The following CHRM3 variants were observed in gnomAD, a reference collection of about 807,000 sequenced individuals.
CHRM3 encodes the protein muscarinic acetylcholine receptor M3.
A neutral mutation model predicts 41.8 loss-of-function variants in CHRM3; 11 were observed. The ratio of observed to expected loss-of-function variants is 0.26; its 90% confidence interval spans 0.17 to 0.44. CHRM3 has a LOEUF of 0.44. Ranked by LOEUF, CHRM3 falls within the 20% of genes least tolerant of loss-of-function variation. The pLI, the probability that CHRM3 is intolerant of heterozygous loss-of-function variation, is 1.00. For synonymous variants in CHRM3, 297 were observed against 301.4 expected, an observed-to-expected ratio of 0.99 and a Z score of 0.15; for missense variants, 571 against 745.4, an observed-to-expected ratio of 0.77 and a Z score of 2.72.
At chr1:239,520,428 G>C (rs577039040) in intron 2 of CHRM3, among the ~76,000 whole-genome samples, 1 of 152,156 alleles carries the variant, frequency 6.6e-6, no homozygotes, top group South Asian at 2.1e-4. Context: ...GTTCTTATGA[G>C]ACCTGGCTGT....
At chr1:239,813,844 G>C (rs997690551) in intron 5 of CHRM3, among the ~76,000 whole-genome samples, 1 of 139,226 alleles carries the variant, frequency 7.2e-6, no homozygotes, top group Non-Finnish European at 1.5e-5. Flanking sequence ...GTGAACCCGG[G>C]AGGCGGAGCT....
At chr1:239,475,620 A>G (rs1666417596) in intron 1 of CHRM3, among the ~76,000 whole-genome samples, 1 of 152,174 alleles carries the variant, frequency 6.6e-6, no homozygotes, top group East Asian at 1.9e-4. Context: ...ATCTGAATAA[A>G]CATTGGGCTT....
At chr1:239,506,701 G>A (rs1668595006) in intron 2 of CHRM3, among the ~76,000 whole-genome samples, 1 of 152,142 alleles carries the variant, frequency 6.6e-6, no homozygotes, top group Non-Finnish European at 1.5e-5. Flanking sequence ...CCAGAACCCA[G>A]AGTGGTAGAA....
chr1:239,539,762 G>A (rs937239043), intron 2 of CHRM3, among the ~76,000 whole-genome samples: 3 of 149,110 alleles, frequency 2.0e-5, no homozygotes, highest in Non-Finnish European at 3.0e-5. Flanking sequence ...TCCTGAGTAG[G>A]TGGGACCATG....
chr1:239,648,435 G>C (rs1671933603), intron 4 of CHRM3, among the ~76,000 whole-genome samples: 1 of 152,118 alleles, frequency 6.6e-6, no homozygotes. Context: ...TGATCTGTAG[G>C]TGGTTTTGAG....
At chr1:239,580,702 T>TATATATATATATATATATATATATAC (rs1366394441) in intron 3 of CHRM3, among the ~76,000 whole-genome samples, 3 of 125,752 alleles carry the variant, frequency 2.4e-5, no homozygotes, top group Non-Finnish European at 5.0e-5. Flanking sequence ...TATATATATA[T>TATATATATATATATATATATATATAC]ATACACACAC....
intron 5 of CHRM3, among the ~76,000 whole-genome samples, chr1:239,772,657 T>G (rs1667784927): frequency 6.6e-6 from 1 of 152,176 alleles, no homozygotes; most frequent in African/African-American, 2.4e-5. Flanking sequence ...TGGTCTCATT[T>G]CCTATCTTCC....
chr1:239,749,710 G>A (rs2148565842), intron 5 of CHRM3, among the ~76,000 whole-genome samples: 1 of 152,240 alleles, frequency 6.6e-6, no homozygotes, highest in South Asian at 2.1e-4. Context: ...TATTTTCTGA[G>A]CATTTGAGAT....
intron 3 of CHRM3, among the ~76,000 whole-genome samples, chr1:239,613,094 G>T (rs1667247073): frequency 6.6e-6 from 1 of 152,192 alleles, no homozygotes; most frequent in Non-Finnish European, 1.5e-5. Flanking sequence ...GGCAAATGGG[G>T]CAGATGTGAT....
chr1:239,813,912 G>A (rs1671345929), intron 5 of CHRM3, among the ~76,000 whole-genome samples: 1 of 19,686 alleles, frequency 5.1e-5, no homozygotes, highest in Non-Finnish European at 9.7e-5. Context: ...GCGAGACTCC[G>A]TCTCAAAAAA....
chr1:239,474,259 C>T (rs944656562), intron 1 of CHRM3, among the ~76,000 whole-genome samples: 1 of 152,062 alleles, frequency 6.6e-6, no homozygotes, highest in Non-Finnish European at 1.5e-5. Context: ...TTCTCATAAA[C>T]TTCATTGTAA....
At chr1:239,534,250 C>G (rs538120352) in intron 2 of CHRM3, among the ~76,000 whole-genome samples, 85 of 152,250 alleles carry the variant, frequency 5.6e-4, no homozygotes, top group Non-Finnish European at 8.1e-4. Flanking sequence ...TGCTTGAACC[C>G]GGGAGGCAGA....
At chr1:239,787,465 T>A (rs1169951428) in intron 5 of CHRM3, among the ~76,000 whole-genome samples, 1 of 152,030 alleles carries the variant, frequency 6.6e-6, no homozygotes, top group East Asian at 1.9e-4. Flanking sequence ...AGACATCAGG[T>A]CTTAGAAGCC....
At chr1:239,768,711 A>T (rs935074125) in intron 5 of CHRM3, among the ~76,000 whole-genome samples, 4 of 152,072 alleles carry the variant, frequency 2.6e-5, no homozygotes, top group African/African-American at 9.7e-5. Flanking sequence ...ACCTTCTCCC[A>T]TATCAGAAGT....
At chr1:239,603,906 A>T (rs1240618230) in intron 3 of CHRM3, among the ~76,000 whole-genome samples, 1 of 152,170 alleles carries the variant, frequency 6.6e-6, no homozygotes, top group Non-Finnish European at 1.5e-5. Context: ...TGAAGATAGC[A>T]AATTATGGTC....
intron 6 of CHRM3, among the ~76,000 whole-genome samples, chr1:239,875,746 G>C (rs930441915): frequency 1.3e-5 from 2 of 152,172 alleles, no homozygotes; most frequent in East Asian, 1.9e-4. Flanking sequence ...TTAGCATGTT[G>C]GGGTAATGAG....
chr1:239,410,501 T>A (rs917363310), intron 1 of CHRM3, among the ~76,000 whole-genome samples: 8 of 152,152 alleles, frequency 5.3e-5, no homozygotes, highest in Non-Finnish European at 1.2e-4. Flanking sequence ...TGATACCATC[T>A]CTGTAAAATG....
chr1:239,708,963 G>A (rs184812341), intron 5 of CHRM3, among the ~76,000 whole-genome samples: 2 of 151,070 alleles, frequency 1.3e-5, no homozygotes, highest in East Asian at 1.9e-4. Context: ...ATGTTTAGGG[G>A]GTAAAAGCTT....
chr1:239,445,837 A>G (rs1055409742), intron 1 of CHRM3, among the ~76,000 whole-genome samples: 4 of 152,200 alleles, frequency 2.6e-5, no homozygotes, highest in Non-Finnish European at 5.9e-5. Context: ...AGAATTTGCC[A>G]TGAAGTATAG....
Sources: gnomAD v4.1 joint callset for allele counts (sites outside exome capture counted in the v4.1 genomes callset) on GRCh38, gnomAD v4.1.1 for gene constraint, MANE v1.5 for transcripts, NCBI Gene and HGNC (gene_info 2026-07-23, HGNC 2026-07-21) for gene names.